Variants in ARB2A observed in about 807,000 individuals in gnomAD.
ARB2A encodes ARB2 cotranscriptional regulator A.
the ARB2A span, among the ~76,000 whole-genome samples, chr5:93,970,953 G>A: frequency 6.6e-6 from 1 of 151,938 alleles, no homozygotes; most frequent in Non-Finnish European, 1.5e-5. Context: ...GATATTATAA[G>A]CTCTTACTAT....
the ARB2A span, among the ~76,000 whole-genome samples, chr5:93,900,991 T>C: frequency 6.6e-6 from 1 of 152,160 alleles, no homozygotes; most frequent in East Asian, 1.9e-4. Flanking sequence ...TTCCAAACTT[T>C]CTGGCATTCT....
the ARB2A span, among the ~76,000 whole-genome samples, chr5:94,053,931 G>A: frequency 6.6e-6 from 1 of 151,976 alleles, no homozygotes; most frequent in Non-Finnish European, 1.5e-5. Context: ...CCCATGCCAG[G>A]TTATATTTTG....
the ARB2A span, among the ~76,000 whole-genome samples, chr5:93,926,087 T>C: frequency 6.6e-6 from 1 of 152,012 alleles, no homozygotes; most frequent in East Asian, 1.9e-4. Flanking sequence ...ATGATATGAA[T>C]GGGGAATAAT....
chr5:93,779,559 T>C, the ARB2A span, among the ~76,000 whole-genome samples: 1 of 152,112 alleles, frequency 6.6e-6, no homozygotes, highest in Non-Finnish European at 1.5e-5. Context: ...GTCCCCTGAA[T>C]AGGCAACAAG....
chr5:93,623,100 A>G, the ARB2A span, among the ~76,000 whole-genome samples: 3 of 152,108 alleles, frequency 2.0e-5, no homozygotes, highest in African/African-American at 7.2e-5. Context: ...GTGTGTCTCT[A>G]TTCTATAGTG....
chr5:93,831,405 C>T, the ARB2A span, among the ~76,000 whole-genome samples: 4 of 152,078 alleles, frequency 2.6e-5, no homozygotes, highest in Non-Finnish European at 5.9e-5. Context: ...CTTTCCCTCT[C>T]ACTATCTATT....
the ARB2A span, among the ~76,000 whole-genome samples, chr5:93,704,780 A>C: frequency 2.0e-5 from 3 of 152,202 alleles, no homozygotes. Flanking sequence ...GGCCACTGCT[A>C]GAACCATCAG....
At chr5:93,837,888 T>G in the ARB2A span, among the ~76,000 whole-genome samples, 1 of 152,214 alleles carries the variant, frequency 6.6e-6, no homozygotes, top group Non-Finnish European at 1.5e-5. Context: ...TTTAAGTTCC[T>G]TATAGATTTT....
chr5:93,817,342 C>T, the ARB2A span, among the ~76,000 whole-genome samples: 1 of 152,032 alleles, frequency 6.6e-6, no homozygotes, highest in African/African-American at 2.4e-5. Flanking sequence ...CCTAAATAAA[C>T]GGAAAGAAAG....
At chr5:93,932,193 TTG>T in the ARB2A span, among the ~76,000 whole-genome samples, 1,727 of 152,310 alleles carry the variant, frequency 0.011, 27 homozygotes, top group African/African-American at 0.039. Context: ...CTATCTCATA[TTG>T]GTTCATGAGA....
At chr5:94,030,190 A>C in the ARB2A span, among the ~76,000 whole-genome samples, 1 of 152,212 alleles carries the variant, frequency 6.6e-6, no homozygotes, top group Admixed American at 6.5e-5. Context: ...TTGGTTGTCT[A>C]TTACTGTTGT....
At chr5:94,012,333 C>T in the ARB2A span, among the ~76,000 whole-genome samples, 6 of 152,182 alleles carry the variant, frequency 3.9e-5, no homozygotes, top group Non-Finnish European at 7.4e-5. Context: ...ACCCGGGAGG[C>T]GGGGCTTGCA....
the ARB2A span, among the ~76,000 whole-genome samples, chr5:94,104,136 A>G: frequency 6.6e-6 from 1 of 151,762 alleles, no homozygotes; most frequent in Non-Finnish European, 1.5e-5. Context: ...CAAAGCTAGC[A>G]GAAGAAAAAA....
chr5:93,621,482 G>A, the ARB2A span, among the ~76,000 whole-genome samples: 2 of 152,238 alleles, frequency 1.3e-5, no homozygotes, highest in South Asian at 2.1e-4. Flanking sequence ...GGGGTCGTCC[G>A]AGGCGCGGCT....
At chr5:93,996,407 G>A in the ARB2A span, among the ~76,000 whole-genome samples, 1 of 152,010 alleles carries the variant, frequency 6.6e-6, no homozygotes, top group Non-Finnish European at 1.5e-5. Context: ...CTTATGGGCA[G>A]TGCATTGTTT....
At chr5:93,809,824 T>C in the ARB2A span, among the ~76,000 whole-genome samples, 1 of 152,030 alleles carries the variant, frequency 6.6e-6, no homozygotes, top group Non-Finnish European at 1.5e-5. Flanking sequence ...GTAAGTAAAA[T>C]ACAAAAGACC....
At chr5:93,807,428 A>C in the ARB2A span, among the ~76,000 whole-genome samples, 1 of 152,012 alleles carries the variant, frequency 6.6e-6, no homozygotes, top group Non-Finnish European at 1.5e-5. Flanking sequence ...ACAAATTTGT[A>C]CTATTCATAT....
At chr5:94,045,713 A>G in the ARB2A span, among the ~76,000 whole-genome samples, 1 of 152,178 alleles carries the variant, frequency 6.6e-6, no homozygotes, top group South Asian at 2.1e-4. Context: ...AGGACACAGA[A>G]AGTTTCCCCC....
chr5:94,050,981 A>G, the ARB2A span: 2 of 589,330 alleles, frequency 3.4e-6, no homozygotes, highest in Non-Finnish European at 5.7e-6. Context: ...AGATGTCACT[A>G]TGATGCAAAC....
Sources: allele counts gnomAD v4.1 joint callset (sites outside exome capture counted in the v4.1 genomes callset), GRCh38; gene constraint gnomAD v4.1.1; transcripts MANE v1.5; gene names NCBI Gene and HGNC (gene_info 2026-07-23, HGNC 2026-07-21).